Variants in AIM2 observed in about 807,000 individuals in gnomAD.
AIM2 encodes the protein interferon-inducible protein AIM2.
AIM2 carries 30 observed loss-of-function variants against 27.7 expected under a neutral mutation model. The observed-to-expected ratio is 1.08, with a 90% CI of 0.81 to 1.47. The LOEUF (loss-of-function observed/expected upper bound fraction) is 1.47. Among genes scored for constraint, AIM2 ranks in the 40% most tolerant of loss-of-function variants. AIM2 has a pLI of 0.00. For missense variants in AIM2, 358 were observed against 411.3 expected (o/e 0.87, Z 1.12); for synonymous variants, 141 against 145.3 (o/e 0.97, Z 0.21).
chr1:159,060,808 G>C (rs1268667782), downstream of AIM2, among the ~76,000 whole-genome samples: 2 of 152,130 alleles, frequency 1.3e-5, no homozygotes, highest in African/African-American at 4.8e-5. Flanking sequence ...GGATAATCGA[G>C]TTTTTTGCAC....
intron 1 of AIM2, among the ~76,000 whole-genome samples, chr1:159,089,865 G>C (rs868737945): frequency 6.6e-6 from 1 of 152,232 alleles, no homozygotes; most frequent in South Asian, 2.1e-4. Flanking sequence ...TTTGTTTTCA[G>C]TAACTGGACC....
chr1:159,061,558 ATTTTTT>A (rs945588968), downstream of AIM2, among the ~76,000 whole-genome samples: 3 of 83,116 alleles, frequency 3.6e-5, no homozygotes, highest in South Asian at 3.8e-4. Flanking sequence ...GTGCCCGGCT[ATTTTTT>A]TTTTTTTTTT....
At chr1:159,136,294 A>C (rs1351534281) in intron 1 of AIM2, among the ~76,000 whole-genome samples, 4 of 152,212 alleles carry the variant, frequency 2.6e-5, no homozygotes, top group African/African-American at 9.6e-5. Context: ...GTTTAGAAAG[A>C]ATAACTACAA....
At chr1:159,113,914 T>C (rs951935975) in intron 1 of AIM2, among the ~76,000 whole-genome samples, 5 of 152,206 alleles carry the variant, frequency 3.3e-5, no homozygotes, top group Non-Finnish European at 7.3e-5. Context: ...CTCTTACTGT[T>C]TAACTGTGTG....
chr1:159,114,347 G>A (rs1647271774), intron 1 of AIM2, among the ~76,000 whole-genome samples: 2 of 152,224 alleles, frequency 1.3e-5, no homozygotes, highest in Admixed American at 1.3e-4. Context: ...TAGAACAACT[G>A]TGGCCTTGAG....
At position 159,066,229 on chromosome 1, in the gene AIM2, G is replaced by T. The variant is rs745673444; in HGVS notation, c.497C>A (p.Thr166Lys). Residue 166 changes from threonine (T) to lysine (K), a missense_variant, in exon 4 of 6, where the codon ACG (threonine) becomes AAG (lysine). Transcript: ENST00000368130. Reference sequence around the variant, plus strand: ...CTGCTTGCCTTCTTGGGTCTCAAACGTGAAGGGCTTCTTTGCTTTCAGTAC... The same window carrying T: ...CTGCTTGCCTTCTTGGGTCTCAAACTTGAAGGGCTTCTTTGCTTTCAGTAC... ...VMVLKAKKPFTFETQEGKQEM... is the reference protein window; with the variant it reads ...VMVLKAKKPFKFETQEGKQEM... The T allele has an allele frequency of 7.4e-6, 12 of 1,614,108 alleles. No individual in the cohort carries two copies. Among genetic ancestry groups the T allele is most frequent in the South Asian group, 1.1e-5 (1 of 91,082 alleles).
intron 1 of AIM2, among the ~76,000 whole-genome samples, chr1:159,093,247 C>T (rs373867792): frequency 6.6e-5 from 10 of 152,080 alleles, no homozygotes; most frequent in African/African-American, 2.4e-4. Flanking sequence ...TCTACAAGAT[C>T]TAGCATGATA....
chr1:159,073,326 C>T lies in AIM2; in HGVS notation c.174G>A (p.Ala58=), dbSNP rs760542046. Residue 58 remains alanine, a synonymous_variant, in exon 2 of 6, where the codon GCG becomes GCA. Coordinates refer to ENST00000368130, the MANE Select transcript of AIM2 (RefSeq NM_004833.3). ...VATLMIQNAG[A]VSAVMKTIRI... Reference sequence around the variant, plus strand: ...GAATGGTCTTCATCACTGCAGACACCGCCCCAGCATTTTGAATCATCAAGG... The same window carrying T: ...GAATGGTCTTCATCACTGCAGACACTGCCCCAGCATTTTGAATCATCAAGG... The T allele has an allele frequency of 2.2e-5, 35 of 1,614,054 alleles. No individual in the cohort carries two copies. Among genetic ancestry groups the T allele is most frequent in the Non-Finnish European group, 3.0e-5 (35 of 1,180,046 alleles).
chr1:159,133,838 T>C (rs544134490), intron 1 of AIM2, among the ~76,000 whole-genome samples: 1 of 152,312 alleles, frequency 6.6e-6, no homozygotes, highest in African/African-American at 2.4e-5. Flanking sequence ...CTTCTCACCC[T>C]GTACTTTTTC....
At chr1:159,110,970 C>G (rs536096125) in intron 1 of AIM2, among the ~76,000 whole-genome samples, 3 of 152,118 alleles carry the variant, frequency 2.0e-5, no homozygotes, top group Admixed American at 2.0e-4. Flanking sequence ...TATACTTACG[C>G]TAATGTGCTC....
chr1:159,084,403 G>A (rs1656849558), intron 1 of AIM2, among the ~76,000 whole-genome samples: 1 of 151,912 alleles, frequency 6.6e-6, no homozygotes, highest in Non-Finnish European at 1.5e-5. Flanking sequence ...CAACAATCTT[G>A]AACTGTTCAA....
upstream of AIM2, among the ~76,000 whole-genome samples, chr1:159,142,471 A>T (rs963702189): frequency 1.8e-4 from 28 of 152,038 alleles, no homozygotes; most frequent in Non-Finnish European, 1.9e-4. Flanking sequence ...GGAGGGTGAG[A>T]GTGGCAGATC....
At chr1:159,072,518 T>G (rs1656404491) in intron 2 of AIM2, among the ~76,000 whole-genome samples, 1 of 152,220 alleles carries the variant, frequency 6.6e-6, no homozygotes, top group Non-Finnish European at 1.5e-5. Flanking sequence ...TCTTCAGACA[T>G]AAAGCTGGGA....
chr1:159,101,179 G>A (rs543053649), intron 1 of AIM2, among the ~76,000 whole-genome samples: 3 of 151,138 alleles, frequency 2.0e-5, no homozygotes, highest in African/African-American at 7.3e-5. Flanking sequence ...TCATGGGGCT[G>A]TTGGGGGCAG....
chr1:159,100,701 G>T (rs762744049), intron 1 of AIM2, among the ~76,000 whole-genome samples: 8 of 152,230 alleles, frequency 5.3e-5, no homozygotes, highest in Admixed American at 1.3e-4. Context: ...AAAGCTTAGT[G>T]AAGAGGAAGC....
intron 3 of AIM2, 126 bp from the exon 4 acceptor site, chr1:159,066,455 A>G (rs1353526943): frequency 3.1e-6 from 3 of 965,630 alleles, no homozygotes; most frequent in Non-Finnish European, 4.6e-6. Context: ...GGGAAGAGAT[A>G]CAGAGGGGAT....
intron 1 of AIM2, among the ~76,000 whole-genome samples, chr1:159,090,451 G>T (rs1050635718): frequency 6.6e-6 from 1 of 152,170 alleles, no homozygotes; most frequent in Non-Finnish European, 1.5e-5. Flanking sequence ...CTCGCATACT[G>T]CTAGAAAGCG....
chr1:159,133,116 T>G (rs1570983386), intron 1 of AIM2, among the ~76,000 whole-genome samples: 2 of 152,236 alleles, frequency 1.3e-5, no homozygotes, highest in African/African-American at 4.8e-5. Context: ...TCTCTGGCAC[T>G]CTGATCCCCT....
At chr1:159,132,194 C>CAAAAAAAAAA (rs71086905) in intron 1 of AIM2, 2 of 99,460 alleles carry the variant, frequency 2.0e-5, no homozygotes, top group African/African-American at 3.9e-5. Context: ...CTAGAAATAC[C>CAAAAAAAAAA]AAAAAAAAAA....
Sources: allele counts gnomAD v4.1 joint callset (sites outside exome capture counted in the v4.1 genomes callset), GRCh38; gene constraint gnomAD v4.1.1; transcripts MANE v1.5; gene names NCBI Gene and HGNC (gene_info 2026-07-23, HGNC 2026-07-21).